Variants in LARGE1 observed in about 807,000 individuals in gnomAD.
LARGE1 encodes the protein LARGE xylosyl- and glucuronyltransferase 1, also known as xylosyl- and glucuronyltransferase LARGE1.
Under a neutral mutation model 87.6 loss-of-function variants are expected in LARGE1, and 43 were observed. The ratio of observed to expected loss-of-function variants is 0.49; its 90% CI spans 0.38 to 0.63. The LOEUF (loss-of-function observed/expected upper bound fraction) is 0.63. LARGE1 is among the 30% of genes least tolerant of loss of function. The pLI is 0.00. For synonymous variants in LARGE1, 434 were observed against 394.6 expected, an observed-to-expected ratio of 1.10 and a Z score of -1.18; for missense variants, 802 against 1,000.2, an observed-to-expected ratio of 0.80 and a Z score of 2.67.
chr22:33,876,464 C>T (rs2064469931), intron 1 of LARGE1, among the ~76,000 whole-genome samples: 1 of 152,078 alleles, frequency 6.6e-6, no homozygotes, highest in South Asian at 2.1e-4. Context: ...TGAAAATTCA[C>T]CAAGCTGCAC....
At chr22:33,769,237 T>G (rs2084994604) in intron 1 of LARGE1, among the ~76,000 whole-genome samples, 1 of 152,234 alleles carries the variant, frequency 6.6e-6, no homozygotes, top group Non-Finnish European at 1.5e-5. Context: ...GAATACTGAC[T>G]GAAGAGCACC....
intron 6 of LARGE1, among the ~76,000 whole-genome samples, chr22:33,487,162 T>A (rs1040001233): frequency 6.6e-6 from 1 of 152,202 alleles, no homozygotes; most frequent in South Asian, 2.1e-4. Flanking sequence ...CTTATGCTTA[T>A]CAAATTATTC....
the LARGE1 span, among the ~76,000 whole-genome samples, chr22:33,126,666 TA>T: frequency 6.9e-4 from 105 of 152,340 alleles, no homozygotes; most frequent in African/African-American, 2.5e-3. Context: ...AAAATGTATG[TA>T]GTAAAATTTA....
intron 6 of LARGE1, among the ~76,000 whole-genome samples, chr22:33,452,325 G>C (rs1014963029): frequency 8.5e-5 from 13 of 152,172 alleles, no homozygotes; most frequent in African/African-American, 3.1e-4. Flanking sequence ...GCAGCAGAAA[G>C]GGGGAGGGGC....
chr22:33,725,085 G>A (rs1348846777), intron 2 of LARGE1: 1 of 153,206 alleles, frequency 6.5e-6, no homozygotes. Flanking sequence ...ACAGTGAGGA[G>A]AGCAGGTGTG....
the LARGE1 span, among the ~76,000 whole-genome samples, chr22:33,151,166 T>C: frequency 1.3e-5 from 2 of 152,184 alleles, no homozygotes; most frequent in Non-Finnish European, 2.9e-5. Flanking sequence ...ATTTCCTCTA[T>C]AGGTTTCATT....
intron 2 of LARGE1, among the ~76,000 whole-genome samples, chr22:33,689,208 T>C (rs1038898962): frequency 6.6e-6 from 1 of 151,724 alleles, no homozygotes; most frequent in Admixed American, 6.6e-5. Flanking sequence ...TGTACACACA[T>C]GTGTGTCAGG....
downstream of LARGE1, among the ~76,000 whole-genome samples, chr22:33,269,861 T>C (rs77709731): frequency 7.2e-3 from 1,086 of 151,856 alleles, 6 homozygotes; most frequent in Non-Finnish European, 0.011. Context: ...AAAAATTAGG[T>C]GGGCGTGGTG....
At chr22:33,552,708 G>T (rs993637669) in intron 6 of LARGE1, among the ~76,000 whole-genome samples, 2 of 152,202 alleles carry the variant, frequency 1.3e-5, no homozygotes, top group African/African-American at 4.8e-5. Context: ...CTAAGAGGCT[G>T]CTGATTGTAC....
At chr22:33,613,145 T>G (rs1569312926) in intron 4 of LARGE1, among the ~76,000 whole-genome samples, 1 of 152,192 alleles carries the variant, frequency 6.6e-6, no homozygotes, top group African/African-American at 2.4e-5. Flanking sequence ...TTTGCTGATA[T>G]TGTCTCAGCA....
chr22:33,250,352 T>A (rs1016533524), intron 11 of LARGE1, among the ~76,000 whole-genome samples: 5 of 152,228 alleles, frequency 3.3e-5, no homozygotes, highest in African/African-American at 9.6e-5. Context: ...AAGCAATTGA[T>A]GTTTATACAT....
chr22:33,848,365 C>G (rs893770622), intron 1 of LARGE1, among the ~76,000 whole-genome samples: 2 of 152,032 alleles, frequency 1.3e-5, no homozygotes, highest in Admixed American at 6.6e-5. Flanking sequence ...TTAAACCAGG[C>G]TCATGGGCCC....
At chr22:33,514,458 GA>G (rs1041715605) in intron 6 of LARGE1, among the ~76,000 whole-genome samples, 3 of 151,628 alleles carry the variant, frequency 2.0e-5, no homozygotes, top group African/African-American at 7.3e-5. Flanking sequence ...AATATTCTAA[GA>G]AAAAACAATG....
chr22:33,211,456 G>A (rs1000424907), intron 11 of LARGE1, among the ~76,000 whole-genome samples: 2 of 152,148 alleles, frequency 1.3e-5, no homozygotes, highest in Non-Finnish European at 2.9e-5. Context: ...TGAACACAAA[G>A]GAAAGGTTCT....
At chr22:33,183,610 A>ACACACGCACG (rs1923293777) in intron 11 of LARGE1, among the ~76,000 whole-genome samples, 2 of 92,486 alleles carry the variant, frequency 2.2e-5, no homozygotes, top group African/African-American at 7.8e-5. Context: ...AAACACACAC[A>ACACACGCACG]CACACACACG....
At chr22:33,378,498 C>T (rs2065056415) in intron 9 of LARGE1, among the ~76,000 whole-genome samples, 1 of 152,152 alleles carries the variant, frequency 6.6e-6, no homozygotes, top group South Asian at 2.1e-4. Flanking sequence ...TATAGTATTT[C>T]AACAGAATAA....
chr22:33,723,781 C>T (rs2083181365), intron 2 of LARGE1: 1 of 152,170 alleles, frequency 6.6e-6, no homozygotes, highest in South Asian at 2.1e-4. Flanking sequence ...TTCATTCACA[C>T]AACTCCCTAT....
chr22:33,085,390 A>C, the LARGE1 span, among the ~76,000 whole-genome samples: 1 of 152,246 alleles, frequency 6.6e-6, no homozygotes, highest in Non-Finnish European at 1.5e-5. Flanking sequence ...TTTAATTTTT[A>C]AATCTATATT....
chr22:33,186,376 T>C (rs918740345), intron 11 of LARGE1, among the ~76,000 whole-genome samples: 1 of 152,168 alleles, frequency 6.6e-6, no homozygotes. Context: ...AAGTAGCTAC[T>C]GCATTAACAG....
Sources: gnomAD v4.1 joint callset for allele counts (sites outside exome capture counted in the v4.1 genomes callset) on GRCh38, gnomAD v4.1.1 for gene constraint, MANE v1.5 for transcripts, NCBI Gene and HGNC (gene_info 2026-07-23, HGNC 2026-07-21) for gene names.